MECOM: variants seen among roughly 807,000 people sequenced by gnomAD.
MECOM encodes the protein MDS1 and EVI1 complex locus.
A neutral mutation model predicts 116.3 loss-of-function variants in MECOM; 13 were observed. That is an observed-to-expected ratio of 0.11 (90% confidence interval 0.07 to 0.18). MECOM has a LOEUF of 0.18. Ranked by LOEUF, MECOM falls within the 10% of genes least tolerant of loss-of-function variation. The pLI, the probability that MECOM is intolerant of heterozygous loss-of-function variation, is 1.00. For synonymous variants in MECOM, 528 were observed against 535.2 expected, an observed-to-expected ratio of 0.99 and a Z score of 0.19; for missense variants, 1,299 against 1,509.0, an observed-to-expected ratio of 0.86 and a Z score of 2.31.
At chr3:169,325,988 CCATAAAAGG>C (rs1438045497) in intron 2 of MECOM, among the ~76,000 whole-genome samples, 1 of 152,160 alleles carries the variant, frequency 6.6e-6, no homozygotes, top group East Asian at 1.9e-4. Flanking sequence ...AAAAGATGAG[CCATAAAAGG>C]CTTAGAAGCC....
intron 2 of MECOM, among the ~76,000 whole-genome samples, chr3:169,160,285 G>C (rs1329402528): frequency 6.6e-6 from 1 of 151,194 alleles, no homozygotes; most frequent in South Asian, 2.1e-4. Flanking sequence ...TTCTGAGAAA[G>C]GATTTTTTTG....
intron 1 of MECOM, among the ~76,000 whole-genome samples, chr3:169,487,911 A>G (rs1752599582): frequency 6.6e-6 from 1 of 152,196 alleles, no homozygotes; most frequent in South Asian, 2.1e-4. Flanking sequence ...CAATGAAAAA[A>G]TCATTATTCC....
chr3:169,450,854 G>A (rs1289897921), intron 1 of MECOM, among the ~76,000 whole-genome samples: 1 of 152,122 alleles, frequency 6.6e-6, no homozygotes, highest in African/African-American at 2.4e-5. Flanking sequence ...CTCTGCATAA[G>A]AAGAAAAGGA....
chr3:169,591,425 GA>G (rs1766392289), intron 1 of MECOM, among the ~76,000 whole-genome samples: 1 of 152,128 alleles, frequency 6.6e-6, no homozygotes, highest in Non-Finnish European at 1.5e-5. Context: ...GGAATGATTG[GA>G]GAGTCGAGAG....
At chr3:169,541,481 A>C (rs1560410766) in intron 1 of MECOM, among the ~76,000 whole-genome samples, 1 of 152,196 alleles carries the variant, frequency 6.6e-6, no homozygotes. Flanking sequence ...AAGCTGATTC[A>C]CTAGCCTTGC....
intron 1 of MECOM, among the ~76,000 whole-genome samples, chr3:169,646,898 A>C (rs917026586): frequency 6.6e-6 from 1 of 152,230 alleles, no homozygotes; most frequent in African/African-American, 2.4e-5. Flanking sequence ...ATCATAACGT[A>C]ATAGAAAATC....
At chr3:169,492,773 C>T (rs1753249955) in intron 1 of MECOM, among the ~76,000 whole-genome samples, 1 of 152,014 alleles carries the variant, frequency 6.6e-6, no homozygotes, top group African/African-American at 2.4e-5. Flanking sequence ...ACCAGCCTGG[C>T]CAACATGGCT....
intron 2 of MECOM, among the ~76,000 whole-genome samples, chr3:169,158,659 A>G (rs1323609415): frequency 2.0e-5 from 3 of 152,114 alleles, no homozygotes; most frequent in African/African-American, 7.2e-5. Flanking sequence ...CCATTCCAAC[A>G]CTGGATGGTT....
At chr3:169,486,872 G>T (rs1418126939) in intron 1 of MECOM, among the ~76,000 whole-genome samples, 1 of 152,044 alleles carries the variant, frequency 6.6e-6, no homozygotes, top group Non-Finnish European at 1.5e-5. Flanking sequence ...AGGAGAGAAA[G>T]CAAGCAGACA....
At chr3:169,477,901 A>T (rs901987303) in intron 1 of MECOM, among the ~76,000 whole-genome samples, 1 of 152,212 alleles carries the variant, frequency 6.6e-6, no homozygotes, top group Non-Finnish European at 1.5e-5. Context: ...TAGTCCTACC[A>T]CTGCAGTCAA....
chr3:169,267,529 T>G (rs940058264), intron 2 of MECOM, among the ~76,000 whole-genome samples: 2 of 152,116 alleles, frequency 1.3e-5, no homozygotes, highest in Non-Finnish European at 2.9e-5. Context: ...GAAAGGGACC[T>G]GTGGGGCTGA....
intron 2 of MECOM, among the ~76,000 whole-genome samples, chr3:169,196,411 C>T (rs767913353): frequency 6.6e-6 from 1 of 152,038 alleles, no homozygotes; most frequent in East Asian, 1.9e-4. Context: ...TAAACACACA[C>T]ACATACACGT....
intron 2 of MECOM, among the ~76,000 whole-genome samples, chr3:169,371,400 A>G (rs1269561207): frequency 6.6e-6 from 1 of 151,826 alleles, no homozygotes; most frequent in Admixed American, 6.6e-5. Context: ...ACAAACTGGC[A>G]CTTGTAAGAT....
chr3:169,565,096 G>A (rs144632321), intron 1 of MECOM, among the ~76,000 whole-genome samples: 1 of 152,288 alleles, frequency 6.6e-6, no homozygotes, highest in Non-Finnish European at 1.5e-5. Flanking sequence ...GACAAAAGAA[G>A]AAAGGAAAGC....
intron 1 of MECOM, among the ~76,000 whole-genome samples, chr3:169,662,480 C>G (rs920075584): frequency 6.6e-6 from 1 of 152,134 alleles, no homozygotes; most frequent in Non-Finnish European, 1.5e-5. Flanking sequence ...CTCGCTGGGC[C>G]TCTTCTCTCC....
At chr3:169,443,842 C>T (rs997925220) in intron 1 of MECOM, among the ~76,000 whole-genome samples, 5 of 152,216 alleles carry the variant, frequency 3.3e-5, no homozygotes, top group African/African-American at 1.2e-4. Context: ...CTCTGAACAA[C>T]TGCTTCAGTT....
intron 2 of MECOM, among the ~76,000 whole-genome samples, chr3:169,346,632 T>G (rs1725400213): frequency 6.6e-6 from 1 of 151,750 alleles, no homozygotes; most frequent in African/African-American, 2.4e-5. Context: ...CAATGACAAT[T>G]TAAAGAATAA....
chr3:169,219,267 G>A (rs1051592118), intron 2 of MECOM, among the ~76,000 whole-genome samples: 7 of 152,190 alleles, frequency 4.6e-5, no homozygotes, highest in Admixed American at 1.3e-4. Context: ...AGCACTTCGG[G>A]AGGCCGAGGA....
Position 169,505,861 on chromosome 3 carries a change from G to T in MECOM, c.38-124337C>A, listed in dbSNP as rs536046199. Among the ~76,000 whole-genome samples the T allele has an allele frequency of 7.2e-5, 11 of 152,266 alleles. No homozygotes were observed. In the South Asian group the frequency reaches 2.1e-3, roughly 29 times the overall value. On this transcript the variant is annotated intron_variant, in intron 1 of 16. Transcript: ENST00000651503. The stretch of plus-strand genomic sequence containing the variant: ...ACTCTTTCTCTGTCTTTATCATAAA[G>T]GTGGAACTGCGGGTCTTGAAAGGCT...
Sources: allele counts gnomAD v4.1 joint callset (sites outside exome capture counted in the v4.1 genomes callset), GRCh38; gene constraint gnomAD v4.1.1; transcripts MANE v1.5; gene names NCBI Gene and HGNC (gene_info 2026-07-23, HGNC 2026-07-21).